The following VSNL1 variants were observed in gnomAD, a reference collection of about 807,000 sequenced individuals.
The protein encoded by VSNL1 is visinin like 1.
In VSNL1, 6 loss-of-function variants were observed where a neutral mutation model predicts 20.4. That is an observed-to-expected ratio of 0.29 (90% CI 0.16 to 0.58). The LOEUF is 0.58. VSNL1 is among the 20% of genes least tolerant of loss of function. The pLI, the probability that VSNL1 is intolerant of heterozygous loss-of-function variation, is 0.90. For synonymous variants in VSNL1, 93 were observed against 86.4 expected (o/e 1.08, Z -0.42); for missense variants, 100 against 234.5 (o/e 0.43, Z 3.75).
chr2:17,544,631 G>T (rs1330163062), intron 1 of VSNL1, among the ~76,000 whole-genome samples: 1 of 152,172 alleles, frequency 6.6e-6, no homozygotes, highest in Non-Finnish European at 1.5e-5. Context: ...TTCAGCATCA[G>T]TATCAAACAT....
chr2:17,620,515 C>T (rs1194791616), intron 2 of VSNL1, among the ~76,000 whole-genome samples: 1 of 152,184 alleles, frequency 6.6e-6, no homozygotes, highest in Non-Finnish European at 1.5e-5. Flanking sequence ...TGGAAGGCTT[C>T]TGGATGGGGG....
intron 1 of VSNL1, among the ~76,000 whole-genome samples, chr2:17,554,143 G>A (rs1255651529): frequency 6.6e-6 from 1 of 152,158 alleles, no homozygotes; most frequent in Non-Finnish European, 1.5e-5. Flanking sequence ...AATGTAAAGT[G>A]AGCAGCTTCT....
chr2:17,611,451 A>G (rs1383417981), intron 2 of VSNL1, among the ~76,000 whole-genome samples: 1 of 152,248 alleles, frequency 6.6e-6, no homozygotes, highest in African/African-American at 2.4e-5. Flanking sequence ...TTATGCTGAA[A>G]GACAAAGCTT....
intron 2 of VSNL1, among the ~76,000 whole-genome samples, chr2:17,611,299 G>T (rs546501039): frequency 6.6e-6 from 1 of 152,198 alleles, no homozygotes; most frequent in African/African-American, 2.4e-5. Context: ...ACTAAGCTGC[G>T]CATAGGTTCT....
rs1221389680 is a variant in VSNL1 at position 17,634,350 on chromosome 2, CAAATTA to C, written c.163-15059_163-15054del. On this transcript the variant is annotated intron_variant, in intron 2 of 3. Transcript: ENST00000295156. The surrounding 1 kb of genome is among the most constrained non-coding windows in gnomAD (Gnocchi z 4.3). ...CATTTTCCTTTTGCACTGAGCCCTG[CAAATTA>C]TGTAAGAGGTCCTGGCAAGACTTGA... is the stretch of plus-strand genomic sequence containing the variant. 6.6e-6 allele frequency among the ~76,000 whole-genome samples: 1 copy of C among 152,150 alleles called. No homozygotes were observed. The highest frequency in any genetic ancestry group is 1.5e-5 in the Non-Finnish European group (1 of 68,026).
intron 1 of VSNL1, among the ~76,000 whole-genome samples, chr2:17,556,910 G>A (rs1476111093): frequency 1.3e-5 from 2 of 152,158 alleles, no homozygotes; most frequent in Non-Finnish European, 2.9e-5. Flanking sequence ...ATCTGCCTGA[G>A]TTTAGTCATT....
chr2:17,639,195 C>T (rs896894645), intron 2 of VSNL1, among the ~76,000 whole-genome samples: 2 of 152,124 alleles, frequency 1.3e-5, no homozygotes, highest in African/African-American at 4.8e-5. Flanking sequence ...TGCATTGCTT[C>T]GATGGAAATA....
intron 2 of VSNL1, among the ~76,000 whole-genome samples, chr2:17,626,190 C>T (rs568456198): frequency 8.5e-5 from 13 of 152,282 alleles, no homozygotes; most frequent in African/African-American, 2.9e-4. Context: ...CAATATGCCC[C>T]ACCTGCAAAA....
rs1666070569 is a variant in VSNL1, at chr2:17,649,265, C to T, written c.163-145C>T. The T allele has an allele frequency of 1.4e-6, 1 of 738,084 alleles. No individual in the cohort carries two copies. Among genetic ancestry groups the T allele is most frequent in the Non-Finnish European group, 2.3e-6 (1 of 432,958 alleles). The allele number at this position is 738,084 out of a possible 1,614,324, so 45.7% of individuals were successfully genotyped here. On this transcript the variant is annotated intron_variant, in intron 2 of 3. Transcript: ENST00000295156. This position sits in a 1 kb window ranked among gnomAD's most constrained non-coding sequence, Gnocchi z 6.4. ...AGCCTCCCCTAATGCCTGCCCTTGC[C>T]CTTGACAGTCAGGCCAAACTGCTCT...
chr2:17,642,510 G>A (rs755721459), intron 2 of VSNL1, among the ~76,000 whole-genome samples: 6 of 151,846 alleles, frequency 4.0e-5, no homozygotes, highest in South Asian at 2.1e-4. Flanking sequence ...GGGTTTCACC[G>A]TGTTAGCCAG....
intron 1 of VSNL1, among the ~76,000 whole-genome samples, chr2:17,586,743 T>G (rs1210914078): frequency 1.3e-5 from 2 of 152,224 alleles, no homozygotes; most frequent in African/African-American, 4.8e-5. Flanking sequence ...TGGGTCATTA[T>G]TAACCACAAT....
chr2:17,598,872 A>G (rs1486050411), intron 2 of VSNL1, among the ~76,000 whole-genome samples: 2 of 152,258 alleles, frequency 1.3e-5, no homozygotes, highest in African/African-American at 4.8e-5. Context: ...CTGGCATAAG[A>G]ATACAAATAA....
chr2:17,630,786 A>T (rs1191196155), intron 2 of VSNL1, among the ~76,000 whole-genome samples: 3 of 152,002 alleles, frequency 2.0e-5, no homozygotes, highest in African/African-American at 4.8e-5. Flanking sequence ...ATTTTTTTTT[A>T]ATTTATTTTT....
intron 2 of VSNL1, among the ~76,000 whole-genome samples, chr2:17,625,164 A>T (rs1665480762): frequency 6.6e-6 from 1 of 152,142 alleles, no homozygotes; most frequent in Non-Finnish European, 1.5e-5. Context: ...GTAAGACAGG[A>T]CTTGTTCCTC....
At chr2:17,549,595 G>T (rs576952360) in intron 1 of VSNL1, among the ~76,000 whole-genome samples, 2 of 152,100 alleles carry the variant, frequency 1.3e-5, no homozygotes, top group African/African-American at 4.8e-5. Flanking sequence ...TTTAAATTTG[G>T]TGGTAAGAAT....
intron 1 of VSNL1, among the ~76,000 whole-genome samples, chr2:17,578,634 G>A (rs117953776): frequency 6.6e-6 from 1 of 152,326 alleles, no homozygotes; most frequent in Middle Eastern, 3.4e-3. Context: ...GAAGGCCCAC[G>A]GCTGGGAGGG....
intron 2 of VSNL1, among the ~76,000 whole-genome samples, chr2:17,612,225 T>G (rs1356955292): frequency 6.6e-6 from 1 of 152,196 alleles, no homozygotes; most frequent in African/African-American, 2.4e-5. Flanking sequence ...CTGAAGCCTC[T>G]CAACCCCAAG....
intron 2 of VSNL1, among the ~76,000 whole-genome samples, chr2:17,598,418 A>G (rs1245394145): frequency 6.6e-6 from 1 of 152,232 alleles, no homozygotes; most frequent in Middle Eastern, 3.2e-3. Flanking sequence ...ACTGTAACGC[A>G]TCTCAGAATC....
chr2:17,600,206 A>T (rs1259234549), intron 2 of VSNL1, among the ~76,000 whole-genome samples: 2 of 152,208 alleles, frequency 1.3e-5, no homozygotes, highest in Admixed American at 6.5e-5. Flanking sequence ...CTTTATGCTT[A>T]AGGTTTGTTA....
Sources: allele counts gnomAD v4.1 joint callset (sites outside exome capture counted in the v4.1 genomes callset), GRCh38; gene constraint gnomAD v4.1.1; non-coding constraint Gnocchi (gnomAD v3.1); transcripts MANE v1.5; gene names NCBI Gene and HGNC (gene_info 2026-07-23, HGNC 2026-07-21).